Variants in ZSWIM6 observed in about 807,000 individuals in gnomAD.
The protein encoded by ZSWIM6 is zinc finger SWIM domain-containing protein 6.
A neutral mutation model predicts 113.2 loss-of-function variants in ZSWIM6; 9 were observed. The ratio of observed to expected loss-of-function variants is 0.08; its 90% CI spans 0.05 to 0.14. ZSWIM6 has a LOEUF of 0.14. Among genes scored for constraint, ZSWIM6 ranks in the 10% least tolerant of loss-of-function variants. The probability of loss-of-function intolerance (pLI) is 1.00; values close to 1 mark genes in which losing one functional copy is unlikely to be tolerated. For synonymous variants in ZSWIM6, 611 were observed against 606.5 expected (o/e 1.01, Z -0.11); for missense variants, 1,162 against 1,552.2 (o/e 0.75, Z 4.22).
At chr5:61,542,518 A>G (rs540375929) in intron 13 of ZSWIM6, among the ~76,000 whole-genome samples, 1 of 152,364 alleles carries the variant, frequency 6.6e-6, no homozygotes, top group African/African-American at 2.4e-5. Context: ...AATGGTTGCT[A>G]TTTAAAATAA....
chr5:61,334,196 T>A (rs1423704650), intron 1 of ZSWIM6, among the ~76,000 whole-genome samples: 1 of 152,198 alleles, frequency 6.6e-6, no homozygotes, highest in Non-Finnish European at 1.5e-5. Context: ...AATACCTTAG[T>A]TTAAAAGTGT....
chr5:61,462,863 G>T (rs574230098), intron 1 of ZSWIM6, among the ~76,000 whole-genome samples: 20 of 152,294 alleles, frequency 1.3e-4, no homozygotes, highest in African/African-American at 4.6e-4. Flanking sequence ...GGAGCTCGAA[G>T]GAAGACCGAT....
chr5:61,426,005 A>G (rs1746456338), intron 1 of ZSWIM6, among the ~76,000 whole-genome samples: 3 of 152,188 alleles, frequency 2.0e-5, no homozygotes, highest in Non-Finnish European at 4.4e-5. Context: ...CTATTTTATT[A>G]TTATACAATA....
chr5:61,352,066 T>C (rs1744795861), intron 1 of ZSWIM6, among the ~76,000 whole-genome samples: 1 of 152,216 alleles, frequency 6.6e-6, no homozygotes, highest in African/African-American at 2.4e-5. Context: ...TGGTCTGGCC[T>C]GGACCCTCAG....
intron 13 of ZSWIM6, 122 bp downstream of exon 13, chr5:61,542,087 G>A: frequency 2.6e-6 from 2 of 771,592 alleles, no homozygotes; most frequent in Non-Finnish European, 4.1e-6. Context: ...CCTTCTAGCA[G>A]TCCACAAGGG....
In ZSWIM6 at chr5:61,490,938, T is replaced by C; in HGVS notation, c.1182+4T>C. ...GCTTAATTTGCTCTTTGCAAAGGTATGATTGTCTATTTCTAAAGAAATATT... is the reference window on the plus strand; with the variant it reads ...GCTTAATTTGCTCTTTGCAAAGGTACGATTGTCTATTTCTAAAGAAATATT... On this transcript the variant is annotated splice_donor_region_variant and intron_variant, in intron 3 of 13. Transcript: ENST00000252744. 1.3e-6 allele frequency: 2 copies of C among 1,523,482 alleles called. No individual in the cohort carries two copies. Among genetic ancestry groups the C allele is most frequent in the Non-Finnish European group, 1.8e-6 (2 of 1,138,954 alleles). 94.4% of individuals were successfully genotyped at this position (1,523,482 alleles called of 1,614,324 possible).
intron 1 of ZSWIM6, among the ~76,000 whole-genome samples, chr5:61,422,212 A>T (rs1259433012): frequency 6.6e-6 from 1 of 152,194 alleles, no homozygotes; most frequent in African/African-American, 2.4e-5. Context: ...CTTAGATTTA[A>T]GTGTTTAATC....
chr5:61,436,223 G>A (rs1020190796), intron 1 of ZSWIM6, among the ~76,000 whole-genome samples: 7 of 151,388 alleles, frequency 4.6e-5, no homozygotes, highest in African/African-American at 1.7e-4. Flanking sequence ...AAAAAATGTA[G>A]TCACTAATTA....
intron 1 of ZSWIM6, among the ~76,000 whole-genome samples, chr5:61,333,771 A>C (rs1426198905): frequency 6.6e-6 from 1 of 151,776 alleles, no homozygotes; most frequent in African/African-American, 2.4e-5. Context: ...AGCTGCCTCC[A>C]GACACCCCTG....
At chr5:61,507,481 C>T (rs1039945738) in intron 4 of ZSWIM6, among the ~76,000 whole-genome samples, 3 of 152,196 alleles carry the variant, frequency 2.0e-5, no homozygotes, top group African/African-American at 4.8e-5. Flanking sequence ...CAGACACTGA[C>T]TTAACTCTAA....
intron 1 of ZSWIM6, among the ~76,000 whole-genome samples, chr5:61,341,598 ACATATACC>A (rs1444621365): frequency 6.6e-6 from 1 of 152,204 alleles, no homozygotes; most frequent in Non-Finnish European, 1.5e-5. Context: ...ATGAATGTAT[ACATATACC>A]CATATAATAA....
intron 4 of ZSWIM6, among the ~76,000 whole-genome samples, chr5:61,497,146 A>G (rs1426249473): frequency 6.6e-6 from 1 of 151,726 alleles, no homozygotes; most frequent in Non-Finnish European, 1.5e-5. Context: ...TGAAAGCCCT[A>G]ATCTGATGAA....
intron 2 of ZSWIM6, among the ~76,000 whole-genome samples, chr5:61,490,267 G>A (rs1409274030): frequency 1.3e-4 from 20 of 152,002 alleles, no homozygotes; most frequent in Non-Finnish European, 2.2e-4. Flanking sequence ...CTGTTCCCAT[G>A]TGGCTTGATT....
chr5:61,403,337 C>T (rs1745976797), intron 1 of ZSWIM6, among the ~76,000 whole-genome samples: 1 of 152,174 alleles, frequency 6.6e-6, no homozygotes, highest in South Asian at 2.1e-4. Flanking sequence ...CTCTCTTGGG[C>T]TCTTAAAGCC....
intron 1 of ZSWIM6, among the ~76,000 whole-genome samples, chr5:61,465,098 G>C (rs1747408708): frequency 6.6e-6 from 1 of 152,220 alleles, no homozygotes; most frequent in Non-Finnish European, 1.5e-5. Flanking sequence ...TGGAAGGCCA[G>C]AGCTGCTTTC....
At chr5:61,413,536 C>A (rs1339383345) in intron 1 of ZSWIM6, among the ~76,000 whole-genome samples, 6 of 151,918 alleles carry the variant, frequency 3.9e-5, no homozygotes, top group African/African-American at 1.2e-4. Context: ...GGGTATATAC[C>A]CAGTAATGGA....
At chr5:61,338,954 A>G (rs1022787188) in intron 1 of ZSWIM6, among the ~76,000 whole-genome samples, 13 of 152,310 alleles carry the variant, frequency 8.5e-5, no homozygotes, top group African/African-American at 2.4e-4. Flanking sequence ...TGTTCTAAGT[A>G]TGTCCTCACT....
intron 1 of ZSWIM6, among the ~76,000 whole-genome samples, chr5:61,338,983 C>T (rs1412584698): frequency 6.6e-6 from 1 of 152,070 alleles, no homozygotes; most frequent in East Asian, 1.9e-4. Context: ...AGATTTTTAT[C>T]CTGGGCCTCT....
chr5:61,356,692 T>C (rs1744914627), intron 1 of ZSWIM6, among the ~76,000 whole-genome samples: 2 of 137,742 alleles, frequency 1.5e-5, no homozygotes, highest in South Asian at 4.3e-4. Context: ...ATATATAATA[T>C]ACATATTTTA....
Sources: gnomAD v4.1 joint callset for allele counts (sites outside exome capture counted in the v4.1 genomes callset) on GRCh38, gnomAD v4.1.1 for gene constraint, MANE v1.5 for transcripts, NCBI Gene and HGNC (gene_info 2026-07-23, HGNC 2026-07-21) for gene names.